The following EPB41L4A variants were observed in gnomAD, a reference collection of about 807,000 sequenced individuals.
EPB41L4A encodes the protein band 4.1-like protein 4A.
EPB41L4A carries 100 observed loss-of-function variants against 108.6 expected under a neutral mutation model. The observed-to-expected ratio is 0.92, with a 90% CI of 0.78 to 1.09. The LOEUF (loss-of-function observed/expected upper bound fraction) is 1.09. Among genes scored for constraint, EPB41L4A ranks in the 50% least tolerant of loss-of-function variants. The pLI is 0.00. For synonymous variants in EPB41L4A, 319 were observed against 289.0 expected (o/e 1.10, Z -1.05); for missense variants, 1,030 against 842.7 (o/e 1.22, Z -2.75).
chr5:112,295,324 G>GT (rs1223220687), intron 2 of EPB41L4A, among the ~76,000 whole-genome samples: 4 of 152,180 alleles, frequency 2.6e-5, no homozygotes, highest in Admixed American at 1.3e-4. Context: ...CTAAGCTATT[G>GT]TAACAAAGGT....
At chr5:112,208,016 G>A (rs1428969829) in intron 13 of EPB41L4A, among the ~76,000 whole-genome samples, 1 of 152,238 alleles carries the variant, frequency 6.6e-6, no homozygotes, top group African/African-American at 2.4e-5. Context: ...GGGATGCCAA[G>A]GCAGGCGGAT....
At chr5:112,151,113 T>C (rs11949530) in intron 12 of EPB41L4A, among the ~76,000 whole-genome samples, 6,310 of 152,198 alleles carry the variant, frequency 0.041, 471 homozygotes, top group African/African-American at 0.14. Context: ...GTAGAAATAT[T>C]TTCTAAAGTA....
At chr5:112,377,729 C>G (rs574490906) in intron 1 of EPB41L4A, among the ~76,000 whole-genome samples, 61 of 152,278 alleles carry the variant, frequency 4.0e-4, no homozygotes, top group African/African-American at 1.4e-3. Context: ...TCTCTTTGTT[C>G]TCTTGCACCT....
At chr5:112,370,336 C>T (rs939048783) in intron 1 of EPB41L4A, among the ~76,000 whole-genome samples, 4 of 151,776 alleles carry the variant, frequency 2.6e-5, no homozygotes, top group African/African-American at 9.7e-5. Flanking sequence ...CACATATGAC[C>T]AAATTACTCA....
intron 13 of EPB41L4A, among the ~76,000 whole-genome samples, chr5:112,209,305 A>G (rs1762617020): frequency 6.6e-6 from 1 of 152,234 alleles, no homozygotes; most frequent in South Asian, 2.1e-4. Flanking sequence ...ACTCTGCAAC[A>G]GTGTCTTAAC....
At chr5:112,272,348 G>A (rs1010863200) in intron 4 of EPB41L4A, among the ~76,000 whole-genome samples, 12 of 151,508 alleles carry the variant, frequency 7.9e-5, no homozygotes, top group Non-Finnish European at 1.5e-4. Flanking sequence ...TCACTGTGTT[G>A]GTCAGGCTGG....
chr5:112,193,913 G>T (rs1761831361), intron 17 of EPB41L4A, among the ~76,000 whole-genome samples: 1 of 152,132 alleles, frequency 6.6e-6, no homozygotes, highest in Non-Finnish European at 1.5e-5. Context: ...TGGCATGACT[G>T]GCAACCAAAT....
At chr5:112,256,288 T>C (rs1380266850) in intron 9 of EPB41L4A, among the ~76,000 whole-genome samples, 1 of 152,178 alleles carries the variant, frequency 6.6e-6, no homozygotes, top group African/African-American at 2.4e-5. Flanking sequence ...AGTGATATTT[T>C]CATTAAAACA....
intron 1 of EPB41L4A, among the ~76,000 whole-genome samples, chr5:112,381,331 C>G (rs1760163189): frequency 1.3e-5 from 2 of 152,262 alleles, no homozygotes; most frequent in South Asian, 4.2e-4. Flanking sequence ...CATTGACTGC[C>G]TAGTATGAGA....
intron 1 of EPB41L4A, among the ~76,000 whole-genome samples, chr5:112,406,176 G>A (rs1762059246): frequency 6.6e-6 from 1 of 152,172 alleles, no homozygotes; most frequent in African/African-American, 2.4e-5. Flanking sequence ...AGCAGCAGAA[G>A]CACAAAATAA....
At chr5:112,292,886 A>G (rs1385601188) in intron 2 of EPB41L4A, among the ~76,000 whole-genome samples, 2 of 152,176 alleles carry the variant, frequency 1.3e-5, no homozygotes, top group African/African-American at 4.8e-5. Context: ...ACTGTCTGAA[A>G]TTCCTTCCTT....
At position 112,170,253 on chromosome 5, in the gene EPB41L4A, C is replaced by G. The variant is rs749043165; in HGVS notation, c.1739+48G>C. ...AATTGAAGAATTAGAATGGATTACT[C>G]ACAAGCACTAATAAAGCTTTGGTGA... On this transcript the variant is annotated intron_variant, in intron 20 of 22. Coordinates refer to ENST00000261486, the MANE Select transcript of EPB41L4A (RefSeq NM_022140.5). 7 of 1,564,554 alleles carry G rather than the reference C, an allele frequency of 4.5e-6. No homozygotes were observed. The South Asian group carries it at 6.7e-5, about 15-fold the overall frequency.
At chr5:112,204,895 G>T (rs1434588978) in intron 14 of EPB41L4A, among the ~76,000 whole-genome samples, 1 of 152,098 alleles carries the variant, frequency 6.6e-6, no homozygotes, top group Admixed American at 6.5e-5. Context: ...AAAAAAAATT[G>T]AAATATAGAC....
intron 18 of EPB41L4A, chr5:112,175,692 C>A (rs966339823): frequency 6.7e-6 from 1 of 149,252 alleles, no homozygotes; most frequent in Non-Finnish European, 1.5e-5. Context: ...AAAATATTTT[C>A]TATATTATGT....
intron 9 of EPB41L4A, among the ~76,000 whole-genome samples, chr5:112,252,961 G>A (rs560893574): frequency 1.3e-5 from 2 of 152,248 alleles, no homozygotes; most frequent in African/African-American, 4.8e-5. Flanking sequence ...TGTTTCAGTG[G>A]AATGCTGAGG....
intron 12 of EPB41L4A, among the ~76,000 whole-genome samples, chr5:112,151,339 T>C (rs1759457993): frequency 6.6e-6 from 1 of 150,676 alleles, no homozygotes; most frequent in African/African-American, 2.4e-5. Flanking sequence ...CAGACATTTC[T>C]AAGGTCCTTG....
intron 11 of EPB41L4A, among the ~76,000 whole-genome samples, chr5:112,236,995 G>A (rs1006010340): frequency 1.3e-5 from 2 of 152,152 alleles, no homozygotes; most frequent in Non-Finnish European, 2.9e-5. Flanking sequence ...CAGCTCCTGT[G>A]AGTTGAGTCC....
chr5:112,289,530 T>C (rs939871174), intron 2 of EPB41L4A, among the ~76,000 whole-genome samples: 2 of 152,126 alleles, frequency 1.3e-5, no homozygotes, highest in Non-Finnish European at 2.9e-5. Flanking sequence ...GTGGCAGAAG[T>C]AACTGCCTGT....
chr5:112,169,932 C>G (rs1259130562), intron 20 of EPB41L4A: 1 of 213,282 alleles, frequency 4.7e-6, no homozygotes, highest in African/African-American at 2.4e-5. Flanking sequence ...TGCTTCTATG[C>G]CAGGGATGGG....
Sources: gnomAD v4.1 joint callset for allele counts (sites outside exome capture counted in the v4.1 genomes callset) on GRCh38, gnomAD v4.1.1 for gene constraint, MANE v1.5 for transcripts, NCBI Gene and HGNC (gene_info 2026-07-23, HGNC 2026-07-21) for gene names.